HYDIN: variants seen among roughly 807,000 people sequenced by gnomAD.
The protein encoded by HYDIN is HYDIN axonemal central pair apparatus protein.
In HYDIN, 132 loss-of-function variants were observed where a neutral mutation model predicts 403.9. That is an observed-to-expected ratio of 0.33 (90% CI 0.28 to 0.38). The LOEUF (loss-of-function observed/expected upper bound fraction) is 0.38, where lower values mean the gene tolerates loss of function less well. Among genes scored for constraint, HYDIN ranks in the 10% least tolerant of loss-of-function variants. The probability of loss-of-function intolerance (pLI) is 1.00; values close to 1 mark genes in which losing one functional copy is unlikely to be tolerated. For synonymous variants in HYDIN, 1,202 were observed against 1,891.7 expected, an observed-to-expected ratio of 0.64 and a Z score of 9.46; for missense variants, 2,827 against 5,009.5, an observed-to-expected ratio of 0.56 and a Z score of 13.15.
At chr16:71,187,942 G>A (rs562169045) in intron 1 of HYDIN, among the ~76,000 whole-genome samples, 1 of 152,152 alleles carries the variant, frequency 6.6e-6, no homozygotes, top group Non-Finnish European at 1.5e-5. Context: ...TAAAGTAATG[G>A]AATGAAACTA....
chr16:70,810,082 G>A, intron 84 of HYDIN, 75 bp from the exon 85 acceptor site: 2 of 1,372,854 alleles, frequency 1.5e-6, no homozygotes, highest in Non-Finnish European at 2.1e-6. Flanking sequence ...CCTGCCCAAG[G>A]CTCCATAGCA....
At chr16:70,926,178 A>T (rs1417920885) in intron 45 of HYDIN, among the ~76,000 whole-genome samples, 1 of 147,520 alleles carries the variant, frequency 6.8e-6, no homozygotes, top group Non-Finnish European at 1.5e-5. Context: ...TTATTGCGGC[A>T]CTATTCACAA....
chr16:71,189,381 A>G (rs1199442204), intron 1 of HYDIN, among the ~76,000 whole-genome samples: 2 of 152,240 alleles, frequency 1.3e-5, no homozygotes, highest in Non-Finnish European at 2.9e-5. Flanking sequence ...ATTCTTAAAA[A>G]TAAAAAAGAA....
chr16:70,912,957 C>T (rs2076735034), intron 47 of HYDIN, among the ~76,000 whole-genome samples: 2 of 150,146 alleles, frequency 1.3e-5, no homozygotes, highest in South Asian at 4.3e-4. Flanking sequence ...TTTTGTATTT[C>T]TGTGGTGTCA....
chr16:71,074,791 T>C (rs1379337384), intron 13 of HYDIN, among the ~76,000 whole-genome samples: 1 of 149,590 alleles, frequency 6.7e-6, no homozygotes, highest in Non-Finnish European at 1.5e-5. Flanking sequence ...TTGTGAAAAG[T>C]CTATTTGATG....
In HYDIN at chr16:70,831,540, A is replaced by C. The variant is rs369541276; in HGVS notation, c.13899+1308T>G. Among the ~76,000 whole-genome samples, 1,265 of 148,734 alleles carry C rather than the reference A, an allele frequency of 8.5e-3. 9 individuals are homozygous for C. Among genetic ancestry groups the C allele is most frequent in the Middle Eastern group, 0.06 (17 of 282 alleles). On this transcript the variant is annotated intron_variant, in intron 80 of 85. Coordinates refer to ENST00000393567, the MANE Select transcript of HYDIN (RefSeq NM_001270974.2). Reference sequence around the variant, plus strand: ...AAAAAAAAAAAAACCAAAAAAAAAAAAAACAAGAAACAAACAGAAGATGAG... The same window carrying C: ...AAAAAAAAAAAAACCAAAAAAAAAACAAACAAGAAACAAACAGAAGATGAG...
chr16:70,878,013 A>G (rs1447730730), intron 62 of HYDIN, among the ~76,000 whole-genome samples: 2 of 152,150 alleles, frequency 1.3e-5, no homozygotes, highest in Admixed American at 6.5e-5. Flanking sequence ...AGGGTCCAAG[A>G]TGGTGATATG....
At chr16:71,183,046 T>C (rs1367677881) in intron 3 of HYDIN, among the ~76,000 whole-genome samples, 3 of 152,022 alleles carry the variant, frequency 2.0e-5, no homozygotes, top group Admixed American at 1.3e-4. Flanking sequence ...TAAAGATTAC[T>C]TTTACTGCTT....
intron 5 of HYDIN, among the ~76,000 whole-genome samples, chr16:71,167,771 T>C (rs1349744604): frequency 6.6e-6 from 1 of 151,950 alleles, no homozygotes; most frequent in Non-Finnish European, 1.5e-5. Flanking sequence ...TCATTATATA[T>C]TGCTCTGCTG....
chr16:70,809,474 T>C (rs760133919), intron 85 of HYDIN, among the ~76,000 whole-genome samples: 4 of 152,212 alleles, frequency 2.6e-5, no homozygotes, highest in Admixed American at 6.5e-5. Context: ...GCCGATACCA[T>C]GACTACTAAG....
At chr16:71,152,014 A>G (rs564340403) in intron 7 of HYDIN, among the ~76,000 whole-genome samples, 1 of 152,214 alleles carries the variant, frequency 6.6e-6, no homozygotes, top group African/African-American at 2.4e-5. Context: ...TGGGGTTTAC[A>G]TTTTTAAAAT....
At chr16:70,942,728 G>A (rs1206186576) in intron 42 of HYDIN, among the ~76,000 whole-genome samples, 3 of 152,050 alleles carry the variant, frequency 2.0e-5, no homozygotes, top group Non-Finnish European at 2.9e-5. Context: ...AACAGGTACC[G>A]TGGCCACATC....
At chr16:71,098,529 C>T (rs2083352874) in intron 10 of HYDIN, among the ~76,000 whole-genome samples, 1 of 151,600 alleles carries the variant, frequency 6.6e-6, no homozygotes, top group East Asian at 2.0e-4. Context: ...GCCCAAACTG[C>T]ATTACCCTAC....
At chr16:71,096,204 G>A (rs1393995493) in intron 10 of HYDIN, among the ~76,000 whole-genome samples, 1 of 151,748 alleles carries the variant, frequency 6.6e-6, no homozygotes, top group East Asian at 2.0e-4. Context: ...CACTGTTTCT[G>A]TTGAGAAGTC....
At chr16:70,936,252 T>TGTGGAAGGAAAG (rs1198252472) in intron 44 of HYDIN, 138 bp from the exon 45 acceptor site, 79 of 593,128 alleles carry the variant, frequency 1.3e-4, no homozygotes, top group Non-Finnish European at 2.1e-4. Flanking sequence ...AAGCTGGATA[T>TGTGGAAGGAAAG]GTGGAAGGAA....
intron 45 of HYDIN, among the ~76,000 whole-genome samples, chr16:70,931,210 G>GCTTT (rs1555575146): frequency 1.7e-5 from 1 of 59,464 alleles, no homozygotes; most frequent in East Asian, 5.5e-4. Context: ...TCTTTCTTCT[G>GCTTT]TTTTTTTTTT....
chr16:70,923,625 A>C, intron 45 of HYDIN, among the ~76,000 whole-genome samples: 1 of 121,580 alleles, frequency 8.2e-6, no homozygotes. Flanking sequence ...ACACGGTGAA[A>C]CCCCGTCTCT....
intron 15 of HYDIN, chr16:71,066,559 A>C (rs2082274399): frequency 5.1e-6 from 1 of 195,614 alleles, no homozygotes; most frequent in African/African-American, 2.3e-5. Context: ...TACAACTTAA[A>C]GTCCCAGATC....
At position 71,118,758 on chromosome 16, in the gene HYDIN, G is replaced by A. The variant is rs539034031; in HGVS notation, c.1228-2963C>T. On this transcript the variant is annotated intron_variant, in intron 9 of 85. Transcript: ENST00000393567. ...TTGGTGGGGGTTTTAGTGATATGCA[G>A]TGTTAGAAACACTCATGGCTAGACT... Among the ~76,000 whole-genome samples the A allele has an allele frequency of 6.6e-5, 10 of 152,104 alleles. 1 individual carries two copies. The highest frequency in any genetic ancestry group is 6.5e-4 in the Admixed American group (10 of 15,272).
Sources: gnomAD v4.1 joint callset for allele counts (sites outside exome capture counted in the v4.1 genomes callset) on GRCh38, gnomAD v4.1.1 for gene constraint, MANE v1.5 for transcripts, NCBI Gene and HGNC (gene_info 2026-07-23, HGNC 2026-07-21) for gene names.